The following MAPK4 variants were observed in gnomAD, a reference collection of about 807,000 sequenced individuals.
MAPK4 encodes Erk3-related.
MAPK4 carries 22 observed loss-of-function variants against 47.7 expected under a neutral mutation model. The observed-to-expected ratio is 0.46, with a 90% confidence interval of 0.33 to 0.66. The LOEUF (loss-of-function observed/expected upper bound fraction) is 0.66. Ranked by LOEUF, MAPK4 falls within the 30% of genes least tolerant of loss-of-function variation. The probability of loss-of-function intolerance (pLI) is 0.02; values close to 1 mark genes in which losing one functional copy is unlikely to be tolerated. For missense variants in MAPK4, 736 were observed against 831.7 expected, an observed-to-expected ratio of 0.88 and a Z score of 1.42; for synonymous variants, 390 against 365.7, an observed-to-expected ratio of 1.07 and a Z score of -0.76.
chr18:50,672,429 A>G (rs1175579972), intron 2 of MAPK4, among the ~76,000 whole-genome samples: 5 of 152,214 alleles, frequency 3.3e-5, no homozygotes, highest in Non-Finnish European at 7.3e-5. Context: ...AGGGGATTAG[A>G]ACGGAGGCTG....
chr18:50,567,826 TAAA>T (rs561594105), intron 1 of MAPK4, among the ~76,000 whole-genome samples: 2,812 of 146,608 alleles, frequency 0.019, 85 homozygotes, highest in African/African-American at 0.065. Flanking sequence ...AGTGTTTTTT[TAAA>T]AAAAAAAAAT....
At chr18:50,714,381 C>A (rs529787766) in intron 2 of MAPK4, among the ~76,000 whole-genome samples, 1 of 152,222 alleles carries the variant, frequency 6.6e-6, no homozygotes, top group Admixed American at 6.5e-5. Flanking sequence ...AGGAGGGAGT[C>A]CATCTCAGAC....
At chr18:50,676,194 C>T (rs1908261969) in intron 2 of MAPK4, among the ~76,000 whole-genome samples, 1 of 151,982 alleles carries the variant, frequency 6.6e-6, no homozygotes, top group African/African-American at 2.4e-5. Flanking sequence ...TCTTGGCTTC[C>T]TGCAAATATT....
chr18:50,664,095 T>A lies in MAPK4; in HGVS notation c.137T>A (p.Val46Asp). The A allele has an allele frequency of 6.2e-7, 1 of 1,613,910 alleles. No individual in the cohort carries two copies. ...SAVDSRACRKVAVKKIALSDA... is the reference protein window; with the variant it reads ...SAVDSRACRKDAVKKIALSDA... ...GTGGACAGCCGGGCCTGCCGGAAGG[T>A]CGCTGTGAAGAAGATTGCCCTGAGC... Residue 46 changes from valine (V) to aspartate (D), a missense_variant, in exon 2 of 6, where the codon GTC becomes GAC. Physicochemically the swap from Val to Asp is radical, Grantham distance 152 (BLOSUM62 -3). Coordinates refer to ENST00000400384, the MANE Select transcript of MAPK4 (RefSeq NM_002747.4). The surrounding 1 kb of genome is among the most constrained non-coding windows in gnomAD (Gnocchi z 6.0).
chr18:50,643,374 A>G (rs532640615), intron 1 of MAPK4, among the ~76,000 whole-genome samples: 47 of 152,314 alleles, frequency 3.1e-4, no homozygotes, highest in African/African-American at 1.0e-3. Context: ...TTAGCCAGGC[A>G]TGGCATGGTG....
intron 1 of MAPK4, among the ~76,000 whole-genome samples, chr18:50,572,642 G>T (rs1411124419): frequency 6.6e-6 from 1 of 152,008 alleles, no homozygotes; most frequent in Non-Finnish European, 1.5e-5. Context: ...GTAAAAAAAA[G>T]TCCGTTGTCT....
intron 2 of MAPK4, among the ~76,000 whole-genome samples, chr18:50,707,555 G>A (rs992766886): frequency 2.2e-5 from 3 of 135,590 alleles, no homozygotes; most frequent in African/African-American, 8.3e-5. Flanking sequence ...TGGTGACAGA[G>A]TGAGCCTCTG....
chr18:50,724,989 A>AG lies in MAPK4; in HGVS notation c.854-972dup, dbSNP rs780478568. On this transcript the variant is annotated intron_variant, in intron 4 of 5. Transcript: ENST00000400384. ...TAACCCAGGGCAGAGCTCCAAGAGC[A>AG]GAGCTCCCAGGGCACCCACCCCTGC... Among the ~76,000 whole-genome samples, 104 of 152,356 alleles carry AG rather than the reference A, an allele frequency of 6.8e-4. 1 individual carries two copies. The highest frequency in any genetic ancestry group is 3.4e-3 in the Middle Eastern group (1 of 294).
chr18:50,668,038 A>G (rs897179027), intron 2 of MAPK4, among the ~76,000 whole-genome samples: 2 of 152,226 alleles, frequency 1.3e-5, no homozygotes, highest in Non-Finnish European at 2.9e-5. Context: ...TTAATTTGCT[A>G]GAGGAGCTCA....
intron 2 of MAPK4, among the ~76,000 whole-genome samples, chr18:50,685,721 C>T (rs1251554261): frequency 6.6e-6 from 1 of 152,204 alleles, no homozygotes; most frequent in African/African-American, 2.4e-5. Context: ...CTGCATCCTT[C>T]GCCTTCTCAA....
At chr18:50,597,940 A>G (rs545020675) in intron 1 of MAPK4, among the ~76,000 whole-genome samples, 1 of 152,240 alleles carries the variant, frequency 6.6e-6, no homozygotes, top group Non-Finnish European at 1.5e-5. Context: ...ATATTAAAGC[A>G]TCTCTATCTC....
chr18:50,666,608 G>A (rs1907616169), intron 2 of MAPK4, among the ~76,000 whole-genome samples: 1 of 152,178 alleles, frequency 6.6e-6, no homozygotes, highest in African/African-American at 2.4e-5. Context: ...TTCCCTGGTT[G>A]AGACTTTCAT....
At chr18:50,573,312 G>GGAA (rs2042265848) in intron 1 of MAPK4, among the ~76,000 whole-genome samples, 1 of 152,142 alleles carries the variant, frequency 6.6e-6, no homozygotes, top group Non-Finnish European at 1.5e-5. Flanking sequence ...TGACCTGTTA[G>GGAA]GAACCAGGCC....
chr18:50,580,623 G>A (rs936019863), intron 1 of MAPK4, among the ~76,000 whole-genome samples: 8 of 152,154 alleles, frequency 5.3e-5, no homozygotes, highest in Non-Finnish European at 8.8e-5. Flanking sequence ...GTTTCTGAGC[G>A]AAGCTTGCCC....
At chr18:50,695,806 C>T (rs539659860) in intron 2 of MAPK4, among the ~76,000 whole-genome samples, 11 of 152,274 alleles carry the variant, frequency 7.2e-5, no homozygotes, top group East Asian at 1.9e-4. Context: ...ATGGAGATTG[C>T]GAAAGGGAGG....
intron 1 of MAPK4, among the ~76,000 whole-genome samples, chr18:50,605,894 G>A (rs2042579023): frequency 1.3e-5 from 2 of 152,152 alleles, no homozygotes; most frequent in Admixed American, 6.5e-5. Flanking sequence ...GTTAGTGGCA[G>A]TCAGAGGGAA....
At chr18:50,675,439 C>T (rs1908208646) in intron 2 of MAPK4, among the ~76,000 whole-genome samples, 1 of 152,078 alleles carries the variant, frequency 6.6e-6, no homozygotes. Flanking sequence ...GCCTCAGCCT[C>T]CCAAGTAGCT....
intron 1 of MAPK4, among the ~76,000 whole-genome samples, chr18:50,629,074 G>C (rs996208745): frequency 1.3e-5 from 2 of 152,218 alleles, no homozygotes; most frequent in Non-Finnish European, 2.9e-5. Context: ...GAGTTTCATT[G>C]CTTGACTTCG....
intron 2 of MAPK4, among the ~76,000 whole-genome samples, chr18:50,683,271 C>T (rs975645172): frequency 1.3e-5 from 2 of 152,074 alleles, no homozygotes; most frequent in Non-Finnish European, 2.9e-5. Context: ...AGGCAAGCAC[C>T]ACCATGCCCA....
Sources: allele counts gnomAD v4.1 joint callset (sites outside exome capture counted in the v4.1 genomes callset), GRCh38; gene constraint gnomAD v4.1.1; non-coding constraint Gnocchi (gnomAD v3.1); transcripts MANE v1.5; gene names NCBI Gene and HGNC (gene_info 2026-07-23, HGNC 2026-07-21).